Variants in UGT1A8 observed in about 807,000 individuals in gnomAD.
The protein encoded by UGT1A8 is UDP-glucuronosyltransferase 1A8.
Under a neutral mutation model 45.3 loss-of-function variants are expected in UGT1A8, and 39 were observed. The ratio of observed to expected loss-of-function variants is 0.86; its 90% CI spans 0.67 to 1.12. The LOEUF (loss-of-function observed/expected upper bound fraction) is 1.12, where lower values mean the gene tolerates loss of function less well. UGT1A8 is among the 50% of genes most tolerant of loss of function. The pLI is 0.00. For missense variants in UGT1A8, 719 were observed against 664.9 expected (o/e 1.08, Z -0.90); for synonymous variants, 275 against 249.2 (o/e 1.10, Z -0.97).
At chr2:233,642,612 G>A (rs529231024) in intron 1 of UGT1A8, among the ~76,000 whole-genome samples, 9 of 152,282 alleles carry the variant, frequency 5.9e-5, no homozygotes, top group African/African-American at 2.2e-4. Flanking sequence ...GAAGAGTTAG[G>A]TGTTTATTGT....
rs558065455 is a variant in UGT1A8, at chr2:233,624,651, G to A, written c.855+6089G>A. 1.4e-4 allele frequency among the ~76,000 whole-genome samples: 22 copies of A among 152,004 alleles called. No individual in the cohort carries two copies. The South Asian group carries it at 3.5e-3, about 24-fold the overall frequency. On this transcript the variant is annotated intron_variant, in intron 1 of 4. Coordinates refer to ENST00000373450, the MANE Select transcript of UGT1A8 (RefSeq NM_019076.5). Reference sequence around the variant, plus strand: ...TAGTGTTACCTATTTTTTTCAAATTGTTTTTGCTATTGTAGGTCTGCTACA... The same window carrying A: ...TAGTGTTACCTATTTTTTTCAAATTATTTTTGCTATTGTAGGTCTGCTACA...
intron 1 of UGT1A8, among the ~76,000 whole-genome samples, chr2:233,643,931 A>G (rs1172119442): frequency 6.6e-6 from 1 of 152,130 alleles, no homozygotes; most frequent in Non-Finnish European, 1.5e-5. Flanking sequence ...AATGCAAGAC[A>G]AAGTCCTCCC....
At position 233,713,558 on chromosome 2, in the gene UGT1A8, C is replaced by T. The variant is rs17863789; in HGVS notation, c.856-53476C>T. 1.1e-4 allele frequency: 181 copies of T among 1,613,960 alleles called. 2 individuals carry two copies. The Admixed American group carries it at 2.1e-3, about 19-fold the overall frequency. On this transcript the variant is annotated intron_variant, in intron 1 of 4. Transcript: ENST00000373450. ...ACTTTAAGGGCACACAGTGTCCAAA[C>T]CCTTCCTCCTATATTCCTAGATTAC...
intron 3 of UGT1A8, 80 bp from the exon 4 acceptor site, chr2:233,768,140 A>T: frequency 6.2e-7 from 1 of 1,609,884 alleles, no homozygotes; most frequent in Non-Finnish European, 8.5e-7. Flanking sequence ...GAGTCTTTGG[A>T]GTGTTTTCAG....
chr2:233,727,754 C>T (rs1338679517), intron 1 of UGT1A8, among the ~76,000 whole-genome samples: 2 of 152,210 alleles, frequency 1.3e-5, no homozygotes, highest in African/African-American at 4.8e-5. Context: ...GTGTGCTGCC[C>T]TTGAGCTGGG....
chr2:233,697,612 GT>G (rs1286954926), intron 1 of UGT1A8, among the ~76,000 whole-genome samples: 1 of 149,670 alleles, frequency 6.7e-6, no homozygotes, highest in Non-Finnish European at 1.5e-5. Flanking sequence ...CTTCTACAAA[GT>G]TTGAGTTTGG....
At position 233,769,466 on chromosome 2, in the gene UGT1A8, T is replaced by C. The variant is rs1023177408; in HGVS notation, c.1295+1027T>C. On this transcript the variant is annotated intron_variant, in intron 4 of 4. Coordinates refer to ENST00000373450, the MANE Select transcript of UGT1A8 (RefSeq NM_019076.5). The surrounding 1 kb of genome is among the most constrained non-coding windows in gnomAD (Gnocchi z 4.4). ...GTGCACACGTGTGCATTCATATGCG[T>C]GTGTGTGTGTGTGCGTGTGTTTATG... 86 of 1,281,398 alleles carry C rather than the reference T, an allele frequency of 6.7e-5. No homozygotes were observed. The South Asian group carries it at 1.2e-3, about 18-fold the overall frequency. 79.4% of individuals were successfully genotyped at this position (1,281,398 alleles called of 1,614,324 possible).
intron 1 of UGT1A8, among the ~76,000 whole-genome samples, chr2:233,640,667 T>C (rs1173413668): frequency 6.6e-6 from 1 of 152,164 alleles, no homozygotes; most frequent in Non-Finnish European, 1.5e-5. Context: ...CAAATGCTGT[T>C]CTTCCATAGT....
intron 1 of UGT1A8, chr2:233,754,902 A>G: frequency 7.4e-7 from 1 of 1,352,320 alleles, no homozygotes. Flanking sequence ...CTGACCCCCC[A>G]AAATATTCTC....
At chr2:233,767,361 T>C (rs990880937) in intron 2 of UGT1A8, among the ~76,000 whole-genome samples, 196 bp downstream of exon 2, 19 of 152,222 alleles carry the variant, frequency 1.2e-4, no homozygotes, top group African/African-American at 3.6e-4. Flanking sequence ...TCAAATACTC[T>C]ATTAAACTAT....
chr2:233,655,812 T>C (rs2073842362), intron 1 of UGT1A8, among the ~76,000 whole-genome samples: 1 of 152,236 alleles, frequency 6.6e-6, no homozygotes, highest in Non-Finnish European at 1.5e-5. Flanking sequence ...CCAGCCATTC[T>C]CTTAACAATT....
At chr2:233,653,458 G>A (rs1186657654) in intron 1 of UGT1A8, among the ~76,000 whole-genome samples, 1 of 152,160 alleles carries the variant, frequency 6.6e-6, no homozygotes, top group African/African-American at 2.4e-5. Flanking sequence ...TGGTAATCTT[G>A]TGCACTCAGG....
At chr2:233,691,640 G>T (rs2075050840) in intron 1 of UGT1A8, 1 of 985,538 alleles carries the variant, frequency 1.0e-6, no homozygotes, top group Non-Finnish European at 1.2e-6. Flanking sequence ...TAGCAGGCAG[G>T]GCCAGTGTGA....
intron 1 of UGT1A8, among the ~76,000 whole-genome samples, chr2:233,631,830 T>C (rs556712755): frequency 1.3e-5 from 2 of 152,328 alleles, no homozygotes; most frequent in Admixed American, 6.5e-5. Context: ...AGAAGCTGTT[T>C]AGTTTAATTA....
At chr2:233,715,249 A>T (rs577425759) in intron 1 of UGT1A8, among the ~76,000 whole-genome samples, 3 of 152,282 alleles carry the variant, frequency 2.0e-5, no homozygotes, top group East Asian at 1.9e-4. Context: ...GATGTCTTTT[A>T]AAAAATCCCC....
chr2:233,755,487 G>GT (rs1198715478), intron 1 of UGT1A8: 2 of 206,234 alleles, frequency 9.7e-6, no homozygotes. Flanking sequence ...GTGAGGCCCT[G>GT]TGATGCTCCA....
chr2:233,710,730 G>A (rs192565787), intron 1 of UGT1A8, among the ~76,000 whole-genome samples: 135 of 152,220 alleles, frequency 8.9e-4, no homozygotes, highest in East Asian at 8.5e-3. Context: ...AAAAAACAAC[G>A]TCTTTCAAGG....
chr2:233,734,445 A>G (rs1034867572), intron 1 of UGT1A8, among the ~76,000 whole-genome samples: 11 of 144,918 alleles, frequency 7.6e-5, no homozygotes, highest in African/African-American at 3.0e-4. Flanking sequence ...CCAGAGGTCT[A>G]TCAATTTTCA....
intron 1 of UGT1A8, among the ~76,000 whole-genome samples, chr2:233,736,818 G>A (rs761920295): frequency 6.6e-6 from 1 of 152,210 alleles, no homozygotes; most frequent in Non-Finnish European, 1.5e-5. Flanking sequence ...GTCCACTCCA[G>A]ATGCTCTTTG....
Sources: allele counts gnomAD v4.1 joint callset (sites outside exome capture counted in the v4.1 genomes callset), GRCh38; gene constraint gnomAD v4.1.1; non-coding constraint Gnocchi (gnomAD v3.1); transcripts MANE v1.5; gene names NCBI Gene and HGNC (gene_info 2026-07-23, HGNC 2026-07-21).